The following PIEZO2 variants were observed in gnomAD, a reference collection of about 807,000 sequenced individuals.
PIEZO2 encodes the protein piezo-type mechanosensitive ion channel component 2.
PIEZO2 carries 172 observed loss-of-function variants against 337.3 expected under a neutral mutation model. The ratio of observed to expected loss-of-function variants is 0.51; its 90% CI spans 0.45 to 0.58. The LOEUF (loss-of-function observed/expected upper bound fraction) is 0.58. Ranked by LOEUF, PIEZO2 falls within the 20% of genes least tolerant of loss-of-function variation. PIEZO2 has a pLI of 0.00. For synonymous variants in PIEZO2, 1,251 were observed against 1,228.5 expected, an observed-to-expected ratio of 1.02 and a Z score of -0.38; for missense variants, 3,028 against 3,391.3, an observed-to-expected ratio of 0.89 and a Z score of 2.66.
rs2038414085 is a variant in PIEZO2 at position 10,767,525 on chromosome 18, G to C, written c.2946+2623C>G. 6.7e-6 allele frequency among the ~76,000 whole-genome samples: 1 copy of C among 148,736 alleles called. No individual in the cohort carries two copies. ...GGGGCAGGTGGGGATGCAGGGAGGAGAACGTCCTCTGCGCGCAGCCCGAGT... is the reference window on the plus strand; with the variant it reads ...GGGGCAGGTGGGGATGCAGGGAGGACAACGTCCTCTGCGCGCAGCCCGAGT... On this transcript the variant is annotated intron_variant, in intron 21 of 55. Transcript: ENST00000674853. The surrounding 1 kb of genome is among the most constrained non-coding windows in gnomAD (Gnocchi z 4.2).
chr18:10,894,314 C>T lies in PIEZO2; in HGVS notation c.329+16872G>A, dbSNP rs1311689449. On this transcript the variant is annotated intron_variant, in intron 4 of 55. Transcript: ENST00000674853. This position sits in a 1 kb window ranked among gnomAD's most constrained non-coding sequence, Gnocchi z 4.1. ...TAAAAATACAAAAAAAACAGCCAGGCGTGGTGGTGGACGCCTGTAATCCCA... is the reference window on the plus strand; with the variant it reads ...TAAAAATACAAAAAAAACAGCCAGGTGTGGTGGTGGACGCCTGTAATCCCA... Among the ~76,000 whole-genome samples the T allele has an allele frequency of 2.0e-5, 3 of 151,934 alleles. No homozygotes were observed. Among genetic ancestry groups the T allele is most frequent in the East Asian group, 1.9e-4 (1 of 5,178 alleles).
At position 10,970,751 on chromosome 18, in the gene PIEZO2, AG is replaced by A. The variant is rs527579298; in HGVS notation, c.286+8783del. Among the ~76,000 whole-genome samples, 14 of 151,878 alleles carry A rather than the reference AG, an allele frequency of 9.2e-5. 1 individual carries two copies. The South Asian group carries it at 2.9e-3, about 32-fold the overall frequency. On this transcript the variant is annotated intron_variant, in intron 3 of 55. Coordinates refer to ENST00000674853, the MANE Select transcript of PIEZO2 (RefSeq NM_001378183.1). ...GTCAGGAGAAAGAGGAAGGAAAGGA[AG>A]GCTTGTTAGAGTACTTGATCCATGC...
rs1036040198 is a variant in PIEZO2, at chr18:11,070,943, G to A, written c.65-4721C>T. ...CAAGAAGCACTAATCCCAGAATGCG[G>A]ACAACAGGAGCATAGCACACTCCAG... is the stretch of plus-strand genomic sequence containing the variant. On this transcript the variant is annotated intron_variant, in intron 1 of 55. Transcript: ENST00000674853. This position sits in a 1 kb window ranked among gnomAD's most constrained non-coding sequence, Gnocchi z 4.3. Among the ~76,000 whole-genome samples, 2 of 152,156 alleles carry A rather than the reference G, an allele frequency of 1.3e-5. No homozygotes were observed. The highest frequency in any genetic ancestry group is 3.2e-3 in the Middle Eastern group (1 of 316).
intron 1 of PIEZO2, among the ~76,000 whole-genome samples, chr18:11,076,975 T>G (rs1301448253): frequency 6.6e-6 from 1 of 152,244 alleles, no homozygotes; most frequent in Non-Finnish European, 1.5e-5. Context: ...GCCATGTTTA[T>G]CTTCCATAAT....
At position 11,101,786 on chromosome 18, in the gene PIEZO2, A is replaced by C. The variant is rs2039427461; in HGVS notation, c.65-35564T>G. The stretch of plus-strand genomic sequence containing the variant: ...TGATAAATATCCTGAGGAAAAATGT[A>C]GACCCCGACCAGGCAGAAGGCCTCG... On this transcript the variant is annotated intron_variant, in intron 1 of 55. Transcript: ENST00000674853. This position sits in a 1 kb window ranked among gnomAD's most constrained non-coding sequence, Gnocchi z 4.4. Among the ~76,000 whole-genome samples the C allele has an allele frequency of 6.6e-6, 1 of 152,240 alleles. No homozygotes were observed. The highest frequency in any genetic ancestry group is 1.5e-5 in the Non-Finnish European group (1 of 68,050).
In PIEZO2 at chr18:10,726,124, C is replaced by T. The variant is rs1390263111; in HGVS notation, c.5029+5283G>A. Among the ~76,000 whole-genome samples, 3 of 151,050 alleles carry T rather than the reference C, an allele frequency of 2.0e-5. No homozygotes were observed. The highest frequency in any genetic ancestry group is 3.0e-5 in the Non-Finnish European group (2 of 67,718). ...GAGAGTTCGTGCACGTGTGTGGGTGCGTGGGTGTAGGGTGGTGGGGGGATG... is the reference window on the plus strand; with the variant it reads ...GAGAGTTCGTGCACGTGTGTGGGTGTGTGGGTGTAGGGTGGTGGGGGGATG... On this transcript the variant is annotated intron_variant, in intron 36 of 55. Transcript: ENST00000674853. The surrounding 1 kb of genome is among the most constrained non-coding windows in gnomAD (Gnocchi z 5.9).
rs977674808 is a variant in PIEZO2 at position 10,878,089 on chromosome 18, G to A, written c.330-6674C>T. Among the ~76,000 whole-genome samples, 4 of 151,974 alleles carry A rather than the reference G, an allele frequency of 2.6e-5. No individual in the cohort carries two copies. The highest frequency in any genetic ancestry group is 2.9e-5 in the Non-Finnish European group (2 of 67,998). On this transcript the variant is annotated intron_variant, in intron 4 of 55. Transcript: ENST00000674853. The surrounding 1 kb of genome is among the most constrained non-coding windows in gnomAD (Gnocchi z 4.3). ...CACCCATTCCAGAATAGAATGGACC[G>A]CCATCCCTCCCACATCCTCCATCAG...
intron 3 of PIEZO2, among the ~76,000 whole-genome samples, chr18:10,960,497 C>T (rs1276810525): frequency 2.6e-5 from 4 of 151,316 alleles, no homozygotes; most frequent in Admixed American, 1.3e-4. Context: ...ATCATAACAC[C>T]TTAGGCAACA....
rs2036812270 is a variant in PIEZO2 at position 11,033,492 on chromosome 18, C to T, written c.160+32635G>A. Among the ~76,000 whole-genome samples the T allele has an allele frequency of 6.6e-6, 1 of 152,170 alleles. No individual in the cohort carries two copies. The highest frequency in any genetic ancestry group is 2.4e-5 in the African/African-American group (1 of 41,446). ...CATAATGTTGATTTAGAGAAAGTGACATTTTGCCATGTTTTTTACAGAATT... is the reference window on the plus strand; with the variant it reads ...CATAATGTTGATTTAGAGAAAGTGATATTTTGCCATGTTTTTTACAGAATT... On this transcript the variant is annotated intron_variant, in intron 2 of 55. Coordinates refer to ENST00000674853, the MANE Select transcript of PIEZO2 (RefSeq NM_001378183.1). The surrounding 1 kb of genome is among the most constrained non-coding windows in gnomAD (Gnocchi z 4.2).
chr18:10,886,487 C>CATATATATATATAATGTGTGTAT, intron 4 of PIEZO2, among the ~76,000 whole-genome samples: 3 of 45,882 alleles, frequency 6.5e-5, no homozygotes, highest in African/African-American at 1.4e-4. Context: ...ATATCCAAAC[C>CATATATATATATAATGTGTGTAT]ATATATATAT....
chr18:11,005,991 A>AT (rs575884355), intron 2 of PIEZO2, among the ~76,000 whole-genome samples: 95 of 152,228 alleles, frequency 6.2e-4, no homozygotes, highest in Middle Eastern at 3.4e-3. Flanking sequence ...CTATAATGAT[A>AT]TTTTTTCATT....
intron 1 of PIEZO2, among the ~76,000 whole-genome samples, chr18:11,090,016 G>A (rs2039026012): frequency 6.6e-6 from 1 of 152,152 alleles, no homozygotes; most frequent in Non-Finnish European, 1.5e-5. Context: ...TCACAGTATT[G>A]ACCAGCCAGC....
rs1487902486 is a variant in PIEZO2 at position 11,038,097 on chromosome 18, T to A, written c.160+28030A>T. On this transcript the variant is annotated intron_variant, in intron 2 of 55. Coordinates refer to ENST00000674853, the MANE Select transcript of PIEZO2 (RefSeq NM_001378183.1). The surrounding 1 kb of genome is among the most constrained non-coding windows in gnomAD (Gnocchi z 4.1). ...GAAGTCACACTTGTTTTTCATTGGC[T>A]CAAAACATTGTAAAAGATACTCTGC... is the stretch of plus-strand genomic sequence containing the variant. Among the ~76,000 whole-genome samples the A allele has an allele frequency of 6.6e-6, 1 of 152,210 alleles. No homozygotes were observed.
rs1241541039 is a variant in PIEZO2 at position 10,834,416 on chromosome 18, C to T, written c.917+20937G>A. 2.0e-5 allele frequency among the ~76,000 whole-genome samples: 3 copies of T among 152,194 alleles called. No homozygotes were observed. The highest frequency in any genetic ancestry group is 7.2e-5 in the African/African-American group (3 of 41,440). On this transcript the variant is annotated intron_variant, in intron 7 of 55. Transcript: ENST00000674853. The surrounding 1 kb of genome is among the most constrained non-coding windows in gnomAD (Gnocchi z 4.5). ...AACTAGCACCCGACAATACTATGTG[C>T]TCAATACACCTTAACTATTACAACT...
chr18:10,829,931 GAA>G (rs59199219), intron 7 of PIEZO2, among the ~76,000 whole-genome samples: 1 of 136,650 alleles, frequency 7.3e-6, no homozygotes. Context: ...CACAGAAGTA[GAA>G]AAAAAAAAAA....
chr18:10,681,277 C>T (rs1265581448), intron 51 of PIEZO2, among the ~76,000 whole-genome samples: 1 of 152,202 alleles, frequency 6.6e-6, no homozygotes, highest in African/African-American at 2.4e-5. Flanking sequence ...CCGCAAATTG[C>T]CTCTAGTTCT....
intron 2 of PIEZO2, among the ~76,000 whole-genome samples, chr18:11,018,587 G>A (rs562968364): frequency 2.0e-5 from 3 of 152,200 alleles, no homozygotes; most frequent in African/African-American, 4.8e-5. Flanking sequence ...GCCACTGAAC[G>A]GTGGGTGACA....
intron 1 of PIEZO2, among the ~76,000 whole-genome samples, chr18:11,093,561 C>A (rs1018689859): frequency 4.8e-5 from 7 of 146,272 alleles, no homozygotes; most frequent in Non-Finnish European, 9.0e-5. Context: ...GACATCCAGT[C>A]CATTCACTCA....
chr18:11,013,799 C>G (rs1405982326), intron 2 of PIEZO2, among the ~76,000 whole-genome samples: 4 of 152,098 alleles, frequency 2.6e-5, no homozygotes, highest in Admixed American at 2.6e-4. Context: ...ACTCAAACAC[C>G]AGGAGATGCC....
Sources: allele counts gnomAD v4.1 joint callset (sites outside exome capture counted in the v4.1 genomes callset), GRCh38; gene constraint gnomAD v4.1.1; non-coding constraint Gnocchi (gnomAD v3.1); transcripts MANE v1.5; gene names NCBI Gene and HGNC (gene_info 2026-07-23, HGNC 2026-07-21).